The following KCNIP1 variants were observed in gnomAD, a reference collection of about 807,000 sequenced individuals.
KCNIP1 encodes the protein potassium voltage-gated channel interacting protein 1.
A neutral mutation model predicts 33.0 loss-of-function variants in KCNIP1; 18 were observed. That is an observed-to-expected ratio of 0.55 (90% CI 0.38 to 0.81). KCNIP1 has a LOEUF of 0.81. KCNIP1 is among the 30% of genes least tolerant of loss of function. KCNIP1 has a pLI of 0.00. For synonymous variants in KCNIP1, 93 were observed against 98.3 expected, an observed-to-expected ratio of 0.95 and a Z score of 0.32; for missense variants, 238 against 271.6, an observed-to-expected ratio of 0.88 and a Z score of 0.87.
intron 1 of KCNIP1, among the ~76,000 whole-genome samples, chr5:170,607,847 C>G (rs1369580617): frequency 6.6e-6 from 1 of 152,186 alleles, no homozygotes; most frequent in African/African-American, 2.4e-5. Context: ...CTTCCAGCCA[C>G]AGGATGTGTG....
At chr5:170,384,161 C>A (rs1764372534) in intron 1 of KCNIP1, among the ~76,000 whole-genome samples, 1 of 152,228 alleles carries the variant, frequency 6.6e-6, no homozygotes. Flanking sequence ...GCAAGTGAAT[C>A]AGAACTTCTT....
intron 1 of KCNIP1, among the ~76,000 whole-genome samples, chr5:170,550,619 T>C (rs1403941787): frequency 2.6e-5 from 4 of 152,056 alleles, no homozygotes; most frequent in Admixed American, 2.6e-4. Context: ...ATGACAATGA[T>C]GGTGATGATG....
chr5:170,581,911 G>C (rs571922950), intron 1 of KCNIP1, among the ~76,000 whole-genome samples: 4 of 151,658 alleles, frequency 2.6e-5, no homozygotes, highest in African/African-American at 9.6e-5. Flanking sequence ...AAGAGGAGCT[G>C]GATGTGCAGA....
intron 1 of KCNIP1, among the ~76,000 whole-genome samples, chr5:170,712,654 G>T (rs1561778794): frequency 6.6e-6 from 1 of 152,256 alleles, no homozygotes; most frequent in Non-Finnish European, 1.5e-5. Flanking sequence ...GCACTGGGAG[G>T]CAACCCACTG....
Position 170,570,315 on chromosome 5 carries a change from A to G in KCNIP1, c.61+65682A>G, listed in dbSNP as rs181423058. Reference sequence around the variant, plus strand: ...TCTGATCATGCTTTTCATAATAATCATCTTAATCATTACTGGCATTCAAAG... The same window carrying G: ...TCTGATCATGCTTTTCATAATAATCGTCTTAATCATTACTGGCATTCAAAG... On this transcript the variant is annotated intron_variant, in intron 1 of 7. Coordinates refer to ENST00000328939, the MANE Select transcript of KCNIP1 (RefSeq NM_014592.4). Among the ~76,000 whole-genome samples, 66 of 152,326 alleles carry G rather than the reference A, an allele frequency of 4.3e-4. No homozygotes were observed. In the East Asian group the frequency reaches 7.3e-3, roughly 17 times the overall value.
intron 1 of KCNIP1, among the ~76,000 whole-genome samples, chr5:170,596,920 C>T (rs1375746207): frequency 4.6e-5 from 7 of 152,214 alleles, no homozygotes; most frequent in South Asian, 2.1e-4. Context: ...TGTGAGCTCA[C>T]GCTGAGTGAG....
At position 170,659,782 on chromosome 5, in the gene KCNIP1, T is replaced by C. The variant is rs1039933163; in HGVS notation, c.62-58976T>C. Among the ~76,000 whole-genome samples, 5 of 152,238 alleles carry C rather than the reference T, an allele frequency of 3.3e-5. 1 individual carries two copies. In the South Asian group the frequency reaches 6.2e-4, roughly 19 times the overall value. The stretch of plus-strand genomic sequence containing the variant: ...AACCCTAACTTTGAGATAAGATCTT[T>C]GACTATTATTAGGCGGGTGCAAAAG... On this transcript the variant is annotated intron_variant, in intron 1 of 7. Transcript: ENST00000328939.
chr5:170,687,019 C>T lies in KCNIP1; in HGVS notation c.62-31739C>T, dbSNP rs558219147. On this transcript the variant is annotated intron_variant, in intron 1 of 7. Transcript: ENST00000328939. The stretch of plus-strand genomic sequence containing the variant: ...ATGTCCACTGGGGCTGATCCTCCCC[C>T]ATTCTCCCCCTGAGTTCCCTGCTGT... 2.0e-5 allele frequency among the ~76,000 whole-genome samples: 3 copies of T among 152,180 alleles called. No homozygotes were observed. The South Asian group carries it at 6.2e-4, about 32-fold the overall frequency.
At chr5:170,505,471 GT>G (rs1427367585) in intron 1 of KCNIP1, among the ~76,000 whole-genome samples, 1 of 152,196 alleles carries the variant, frequency 6.6e-6, no homozygotes, top group African/African-American at 2.4e-5. Flanking sequence ...GAAATGATGG[GT>G]TTTGTTTTGT....
chr5:170,626,722 G>A (rs959642552), intron 1 of KCNIP1, among the ~76,000 whole-genome samples: 2 of 152,322 alleles, frequency 1.3e-5, no homozygotes, highest in Non-Finnish European at 2.9e-5. Context: ...GGCCACAGCC[G>A]AGGCTGGGTG....
intron 1 of KCNIP1, among the ~76,000 whole-genome samples, chr5:170,716,500 A>ATGTTACCACAGCCTGACACTTAGCC (rs1422620343): frequency 2.0e-5 from 3 of 152,206 alleles, no homozygotes; most frequent in Admixed American, 2.0e-4. Context: ...TCCACAACCG[A>ATGTTACCACAGCCTGACACTTAGCC]TGTTACCACA....
chr5:170,668,344 T>C (rs1761784361), intron 1 of KCNIP1, among the ~76,000 whole-genome samples: 1 of 152,208 alleles, frequency 6.6e-6, no homozygotes, highest in Non-Finnish European at 1.5e-5. Context: ...TGTTCTCCAC[T>C]GGTCCCTGCT....
intron 1 of KCNIP1, among the ~76,000 whole-genome samples, chr5:170,518,763 A>G (rs1323483780): frequency 6.6e-6 from 1 of 152,188 alleles, no homozygotes; most frequent in Admixed American, 6.5e-5. Context: ...CTTTGCCCTC[A>G]GAGGTAGGGT....
In KCNIP1 at chr5:170,568,726, G is replaced by T. The variant is rs571360320; in HGVS notation, c.61+64093G>T. ...TAATCCCAGCTACTTGGGAGGCTGA[G>T]GCAGGAGAATCACTTGGACCTGAGA... On this transcript the variant is annotated intron_variant, in intron 1 of 7. Coordinates refer to ENST00000328939, the MANE Select transcript of KCNIP1 (RefSeq NM_014592.4). Among the ~76,000 whole-genome samples, 11 of 151,106 alleles carry T rather than the reference G, an allele frequency of 7.3e-5. No homozygotes were observed. The South Asian group carries it at 2.3e-3, about 32-fold the overall frequency.
intron 3 of KCNIP1, among the ~76,000 whole-genome samples, chr5:170,720,692 T>A (rs1199230994): frequency 6.6e-6 from 1 of 152,226 alleles, no homozygotes; most frequent in East Asian, 1.9e-4. Context: ...TCGGGGAAGA[T>A]AAGCAGTGTA....
At chr5:170,733,117 C>T (rs935960611) in intron 6 of KCNIP1, among the ~76,000 whole-genome samples, 1 of 152,222 alleles carries the variant, frequency 6.6e-6, no homozygotes, top group Admixed American at 6.5e-5. Flanking sequence ...TTATTAAACG[C>T]TAGTGGTATA....
chr5:170,640,316 T>G (rs1236348752), intron 1 of KCNIP1, among the ~76,000 whole-genome samples: 6 of 152,118 alleles, frequency 3.9e-5, no homozygotes. Flanking sequence ...ACATTGTGAG[T>G]AGGGCACGCA....
chr5:170,395,717 C>T (rs314123), intron 1 of KCNIP1, among the ~76,000 whole-genome samples: 6,951 of 152,216 alleles, frequency 0.046, 395 homozygotes, highest in African/African-American at 0.13. Context: ...CCAGGCCTGA[C>T]TTGAGCCTTA....
intron 1 of KCNIP1, among the ~76,000 whole-genome samples, chr5:170,480,578 G>A (rs1581230596): frequency 6.6e-6 from 1 of 150,732 alleles, no homozygotes. Flanking sequence ...CTGGGTTCAA[G>A]AGATTCTCAT....
Sources: gnomAD v4.1 joint callset for allele counts (sites outside exome capture counted in the v4.1 genomes callset) on GRCh38, gnomAD v4.1.1 for gene constraint, MANE v1.5 for transcripts, NCBI Gene and HGNC (gene_info 2026-07-23, HGNC 2026-07-21) for gene names.